Variants in ATRNL1 observed in about 807,000 individuals in gnomAD.
The protein encoded by ATRNL1 is attractin like 1.
A neutral mutation model predicts 182.7 loss-of-function variants in ATRNL1; 95 were observed. The ratio of observed to expected loss-of-function variants is 0.52; its 90% CI spans 0.44 to 0.62. The LOEUF (loss-of-function observed/expected upper bound fraction) is 0.62. ATRNL1 is among the 20% of genes least tolerant of loss of function. The pLI is 0.00. For synonymous variants in ATRNL1, 576 were observed against 568.3 expected (o/e 1.01, Z -0.19); for missense variants, 1,471 against 1,679.5 (o/e 0.88, Z 2.17).
intron 8 of ATRNL1, among the ~76,000 whole-genome samples, chr10:115,198,603 C>T (rs782241060): frequency 1.3e-5 from 2 of 152,052 alleles, no homozygotes; most frequent in Non-Finnish European, 2.9e-5. Flanking sequence ...ATTAACTTCT[C>T]GACTATGTTT....
chr10:115,486,488 T>C (rs1167021741), intron 24 of ATRNL1, among the ~76,000 whole-genome samples: 1 of 152,182 alleles, frequency 6.6e-6, no homozygotes, highest in African/African-American at 2.4e-5. Context: ...TGCATTTCTC[T>C]AATCACCGGT....
chr10:115,837,934 A>G (rs1950717263), intron 27 of ATRNL1, among the ~76,000 whole-genome samples: 1 of 152,214 alleles, frequency 6.6e-6, no homozygotes, highest in Non-Finnish European at 1.5e-5. Flanking sequence ...ACTTTTAAAA[A>G]TTGCATTTGC....
chr10:115,808,099 A>G (rs1949963902), intron 27 of ATRNL1, among the ~76,000 whole-genome samples: 1 of 152,190 alleles, frequency 6.6e-6, no homozygotes, highest in Non-Finnish European at 1.5e-5. Flanking sequence ...ATTATTTTTC[A>G]TTAAGTAACA....
At chr10:115,672,942 G>A (rs1482953194) in intron 26 of ATRNL1, among the ~76,000 whole-genome samples, 1 of 151,994 alleles carries the variant, frequency 6.6e-6, no homozygotes, top group Non-Finnish European at 1.5e-5. Context: ...CCTTGTTTTA[G>A]CAACTTAGTT....
intron 26 of ATRNL1, among the ~76,000 whole-genome samples, chr10:115,724,821 A>G (rs1947543410): frequency 6.6e-6 from 1 of 152,184 alleles, no homozygotes; most frequent in African/African-American, 2.4e-5. Context: ...GGCAGAAATT[A>G]GTTGCAAAGA....
chr10:115,658,345 C>T (rs1390733837), intron 26 of ATRNL1, among the ~76,000 whole-genome samples: 9 of 151,742 alleles, frequency 5.9e-5, no homozygotes, highest in South Asian at 2.1e-4. Context: ...TAATACAAAA[C>T]CCCTTAAAGG....
rs968096774 is a variant in ATRNL1, at chr10:115,787,339, G to A, written c.3903+59984G>A. Among the ~76,000 whole-genome samples, 6 of 152,166 alleles carry A rather than the reference G, an allele frequency of 3.9e-5. No individual in the cohort carries two copies. In the East Asian group the frequency reaches 5.8e-4, roughly 15 times the overall value. On this transcript the variant is annotated intron_variant, in intron 27 of 28. Transcript: ENST00000355044. ...ATATATAGCCAGGCTTTACCCATTC[G>A]GGCCACTAAGACTGATACTCATAGT... is the stretch of plus-strand genomic sequence containing the variant.
chr10:115,501,187 G>C (rs1403303120), intron 24 of ATRNL1, among the ~76,000 whole-genome samples: 2 of 151,986 alleles, frequency 1.3e-5, no homozygotes, highest in Non-Finnish European at 2.9e-5. Context: ...ACCTGTTTTA[G>C]CCTCCCAAAG....
rs1373843089 is a variant in ATRNL1, at chr10:115,315,617, T to C, written c.2918T>C (p.Ile973Thr). The change falls in exon 18 of 29, where the codon ATT (isoleucine) becomes ACT (threonine). Residue 973 changes from isoleucine to threonine, a missense_variant. Around this residue, in one of 3 missense-constraint regions of ATRNL1, gnomAD observed 437 missense variants for 506.0 expected, o/e 0.86. Coordinates refer to ENST00000355044, the MANE Select transcript of ATRNL1 (RefSeq NM_207303.4). Reference sequence around the variant, plus strand: ...AGTAATACAGGAAGAGGACATTGCATTGAAGGTTCTTCACGGGGACCAATG... The same window carrying C: ...AGTAATACAGGAAGAGGACATTGCACTGAAGGTTCTTCACGGGGACCAATG... ...DPSNTGRGHCIEGSSRGPMKL... is the reference protein window; with the variant it reads ...DPSNTGRGHCTEGSSRGPMKL... 4 of 1,613,828 alleles carry C rather than the reference T, an allele frequency of 2.5e-6. No homozygotes were observed. In the African/African-American group the frequency reaches 5.3e-5, roughly 22 times the overall value.
At chr10:115,743,576 C>T (rs1436072190) in intron 27 of ATRNL1, among the ~76,000 whole-genome samples, 3 of 152,066 alleles carry the variant, frequency 2.0e-5, no homozygotes, top group Non-Finnish European at 4.4e-5. Flanking sequence ...AGCACAGTCC[C>T]TATTCTTGTG....
At chr10:115,792,766 G>C (rs1011262071) in intron 27 of ATRNL1, among the ~76,000 whole-genome samples, 5 of 151,854 alleles carry the variant, frequency 3.3e-5, no homozygotes, top group African/African-American at 1.2e-4. Flanking sequence ...CAAAGAACAG[G>C]TTTTTAACTG....
At chr10:115,884,975 A>G (rs1393816307) in intron 28 of ATRNL1, among the ~76,000 whole-genome samples, 2 of 152,244 alleles carry the variant, frequency 1.3e-5, no homozygotes. Context: ...AAAAGTACAC[A>G]TTCCCAAAGA....
intron 13 of ATRNL1, among the ~76,000 whole-genome samples, chr10:115,272,463 G>T (rs2420075): frequency 3.8e-4 from 58 of 151,990 alleles, no homozygotes; most frequent in Non-Finnish European, 7.2e-4. Context: ...CCAATTCTAT[G>T]GAATCAGTGT....
chr10:115,624,224 A>G (rs1470385735), intron 26 of ATRNL1, among the ~76,000 whole-genome samples: 1 of 151,962 alleles, frequency 6.6e-6, no homozygotes, highest in African/African-American at 2.4e-5. Flanking sequence ...AAATACTTCA[A>G]GTTATATTAA....
chr10:115,666,602 C>T (rs1233549782), intron 26 of ATRNL1, among the ~76,000 whole-genome samples: 11 of 152,106 alleles, frequency 7.2e-5, no homozygotes, highest in Admixed American at 2.6e-4. Flanking sequence ...AAAAAGATAT[C>T]TAGATCTGAG....
intron 26 of ATRNL1, among the ~76,000 whole-genome samples, chr10:115,719,145 A>G (rs1195945833): frequency 6.6e-6 from 1 of 152,228 alleles, no homozygotes; most frequent in Non-Finnish European, 1.5e-5. Context: ...AGTCTAAGCT[A>G]TTCAGGATCA....
At chr10:115,886,341 C>G (rs970882125) in intron 28 of ATRNL1, among the ~76,000 whole-genome samples, 2 of 152,038 alleles carry the variant, frequency 1.3e-5, no homozygotes, top group African/African-American at 4.8e-5. Flanking sequence ...ATGGAGAAAC[C>G]CCGTCTCTAC....
At chr10:115,622,609 T>C (rs1285773052) in intron 26 of ATRNL1, among the ~76,000 whole-genome samples, 2 of 152,170 alleles carry the variant, frequency 1.3e-5, no homozygotes, top group Non-Finnish European at 2.9e-5. Flanking sequence ...ACAAAACTGA[T>C]GTAGTTGTAT....
chr10:115,615,258 A>G (rs1857372732), intron 26 of ATRNL1, among the ~76,000 whole-genome samples: 1 of 151,914 alleles, frequency 6.6e-6, no homozygotes, highest in African/African-American at 2.4e-5. Context: ...GCTTCCAGAT[A>G]TAGGATTTTT....
Sources: allele counts gnomAD v4.1 joint callset (sites outside exome capture counted in the v4.1 genomes callset), GRCh38; gene constraint gnomAD v4.1.1; regional missense constraint gnomAD v4.1.1; transcripts MANE v1.5; gene names NCBI Gene and HGNC (gene_info 2026-07-23, HGNC 2026-07-21).